The following KHDRBS3 variants were observed in gnomAD, a reference collection of about 807,000 sequenced individuals.
KHDRBS3 encodes KH RNA binding domain containing, signal transduction associated 3, also known as KH domain-containing, RNA-binding, signal transduction-associated protein 3.
KHDRBS3 carries 23 observed loss-of-function variants against 45.6 expected under a neutral mutation model. That is an observed-to-expected ratio of 0.50 (90% CI 0.36 to 0.72). KHDRBS3 has a LOEUF of 0.72. KHDRBS3 is among the 30% of genes least tolerant of loss of function. The pLI, the probability that KHDRBS3 is intolerant of heterozygous loss-of-function variation, is 0.00. For synonymous variants in KHDRBS3, 162 were observed against 156.5 expected, an observed-to-expected ratio of 1.04 and a Z score of -0.26; for missense variants, 352 against 424.8, an observed-to-expected ratio of 0.83 and a Z score of 1.51.
intron 6 of KHDRBS3, among the ~76,000 whole-genome samples, chr8:135,589,868 T>C (rs1166376512): frequency 6.6e-6 from 1 of 152,246 alleles, no homozygotes; most frequent in Non-Finnish European, 1.5e-5. Context: ...ATGTATACTT[T>C]TCAGCACACT....
chr8:135,508,983 C>T (rs943575753), intron 1 of KHDRBS3, among the ~76,000 whole-genome samples: 1 of 152,166 alleles, frequency 6.6e-6, no homozygotes, highest in Non-Finnish European at 1.5e-5. Flanking sequence ...AGAAGAGAAA[C>T]TCACCAGTAT....
At chr8:135,575,370 A>C (rs1443899623) in intron 5 of KHDRBS3, among the ~76,000 whole-genome samples, 1 of 152,044 alleles carries the variant, frequency 6.6e-6, no homozygotes, top group East Asian at 1.9e-4. Context: ...GTGGCTCCCC[A>C]CTTAAAACCT....
intron 2 of KHDRBS3, among the ~76,000 whole-genome samples, chr8:135,536,993 A>G (rs796849970): frequency 1.2e-4 from 2 of 16,494 alleles, no homozygotes; most frequent in Non-Finnish European, 2.3e-4. Context: ...AAAAAAAAAA[A>G]AAAAGGAGAT....
intron 1 of KHDRBS3, among the ~76,000 whole-genome samples, chr8:135,519,541 G>A (rs1563738697): frequency 6.6e-6 from 1 of 152,198 alleles, no homozygotes; most frequent in Non-Finnish European, 1.5e-5. Flanking sequence ...TTTCATCAAG[G>A]AGTGAGAGGC....
At chr8:135,609,886 T>C (rs914892920) in intron 7 of KHDRBS3, among the ~76,000 whole-genome samples, 4 of 151,846 alleles carry the variant, frequency 2.6e-5, no homozygotes, top group African/African-American at 9.7e-5. Context: ...GAGAAGCGAC[T>C]TAATATTTAT....
chr8:135,633,459 G>A (rs747905689), intron 7 of KHDRBS3, among the ~76,000 whole-genome samples: 1 of 152,158 alleles, frequency 6.6e-6, no homozygotes, highest in Non-Finnish European at 1.5e-5. Context: ...TAGAGCAATG[G>A]CAAGACTTAA....
At chr8:135,625,031 G>T (rs1315510196) in intron 7 of KHDRBS3, among the ~76,000 whole-genome samples, 1 of 152,212 alleles carries the variant, frequency 6.6e-6, no homozygotes, top group Non-Finnish European at 1.5e-5. Context: ...TGGAAAAGGA[G>T]TGAAACGTCT....
In KHDRBS3 at chr8:135,504,527, A is replaced by G. The variant is rs1321484061; in HGVS notation, c.89-16710A>G. On this transcript the variant is annotated intron_variant, in intron 1 of 8. Transcript: ENST00000355849. ...AATTAACAATATGATTTGTACATCT[A>G]CTGCCTTCTGGTATTCACAACAGAG... Among the ~76,000 whole-genome samples, 8 of 152,222 alleles carry G rather than the reference A, an allele frequency of 5.3e-5. No individual in the cohort carries two copies. In the South Asian group the frequency reaches 1.5e-3, roughly 28 times the overall value.
At chr8:135,535,515 T>C (rs1825704125) in intron 2 of KHDRBS3, among the ~76,000 whole-genome samples, 3 of 151,198 alleles carry the variant, frequency 2.0e-5, no homozygotes, top group Non-Finnish European at 4.4e-5. Context: ...GAAAAAAGTT[T>C]TGATGTCTTT....
chr8:135,478,959 A>G (rs1000080406), intron 1 of KHDRBS3, among the ~76,000 whole-genome samples: 9 of 152,148 alleles, frequency 5.9e-5, no homozygotes, highest in Admixed American at 6.5e-5. Context: ...TGGAATGGAA[A>G]TTAATCAAAT....
intron 1 of KHDRBS3, among the ~76,000 whole-genome samples, chr8:135,516,056 T>G (rs1203143173): frequency 2.0e-5 from 3 of 152,238 alleles, no homozygotes; most frequent in Admixed American, 1.3e-4. Context: ...ATATAGCCTG[T>G]TGCTGCTAGG....
At chr8:135,655,940 A>G (rs1200499740) in intron 4 of KHDRBS3, among the ~76,000 whole-genome samples, 1 of 152,236 alleles carries the variant, frequency 6.6e-6, no homozygotes, top group African/African-American at 2.4e-5. Context: ...TTGAGGTTTT[A>G]TGTAAAACAA....
chr8:135,567,267 A>G (rs1359487052), intron 5 of KHDRBS3, among the ~76,000 whole-genome samples: 1 of 152,012 alleles, frequency 6.6e-6, no homozygotes, highest in East Asian at 1.9e-4. Flanking sequence ...CTAGATACAG[A>G]GAATAAAGGC....
chr8:135,584,147 C>A (rs562423080), intron 6 of KHDRBS3, among the ~76,000 whole-genome samples: 5 of 152,320 alleles, frequency 3.3e-5, no homozygotes, highest in African/African-American at 1.2e-4. Context: ...CCCACACTCA[C>A]TCATGCCTGG....
At chr8:135,526,831 C>T (rs917668369) in intron 2 of KHDRBS3, among the ~76,000 whole-genome samples, 1 of 152,068 alleles carries the variant, frequency 6.6e-6, no homozygotes, top group Non-Finnish European at 1.5e-5. Flanking sequence ...TATTCACTCT[C>T]TTGAGTTATG....
chr8:135,570,625 C>G (rs1488150355), intron 5 of KHDRBS3, among the ~76,000 whole-genome samples: 2 of 152,094 alleles, frequency 1.3e-5, no homozygotes, highest in African/African-American at 2.4e-5. Context: ...TTGCTTGTTT[C>G]TCTACCGGGT....
intron 7 of KHDRBS3, among the ~76,000 whole-genome samples, chr8:135,613,560 C>A (rs1040542877): frequency 1.7e-4 from 26 of 151,578 alleles, no homozygotes; most frequent in African/African-American, 5.9e-4. Context: ...AGTGTGAGCC[C>A]GAGTTCCTGC....
At chr8:135,477,619 TG>T (rs767645853) in intron 1 of KHDRBS3, among the ~76,000 whole-genome samples, 29 of 152,356 alleles carry the variant, frequency 1.9e-4, no homozygotes, top group Non-Finnish European at 3.8e-4. Context: ...GGTTGAATTA[TG>T]GCCCCTAAAC....
At chr8:135,595,832 C>G (rs1828948374) in intron 6 of KHDRBS3, among the ~76,000 whole-genome samples, 1 of 152,190 alleles carries the variant, frequency 6.6e-6, no homozygotes, top group Admixed American at 6.5e-5. Flanking sequence ...CAGTGGTCGA[C>G]AGGCAGATGA....
Sources: allele counts gnomAD v4.1 joint callset (sites outside exome capture counted in the v4.1 genomes callset), GRCh38; gene constraint gnomAD v4.1.1; transcripts MANE v1.5; gene names NCBI Gene and HGNC (gene_info 2026-07-23, HGNC 2026-07-21).